Variants in BICDL1 observed in about 807,000 individuals in gnomAD.
BICDL1 encodes the protein BICD family-like cargo adapter 1.
BICDL1 carries 20 observed loss-of-function variants against 76.8 expected under a neutral mutation model. That is an observed-to-expected ratio of 0.26 (90% CI 0.18 to 0.38). The LOEUF (loss-of-function observed/expected upper bound fraction) is 0.38. BICDL1 is among the 10% of genes least tolerant of loss of function. The pLI, the probability that BICDL1 is intolerant of heterozygous loss-of-function variation, is 1.00. For synonymous variants in BICDL1, 383 were observed against 337.1 expected (o/e 1.14, Z -1.49); for missense variants, 700 against 798.6 (o/e 0.88, Z 1.49).
intron 9 of BICDL1, chr12:120,091,413 A>G: frequency 2.0e-6 from 2 of 1,014,494 alleles, no homozygotes; most frequent in Non-Finnish European, 2.4e-6. Flanking sequence ...TTGGTTTTTG[A>G]AAGACCCTTT....
At chr12:120,055,276 C>T (rs1280291472) in intron 2 of BICDL1, among the ~76,000 whole-genome samples, 1 of 152,164 alleles carries the variant, frequency 6.6e-6, no homozygotes, top group Non-Finnish European at 1.5e-5. Flanking sequence ...ACTGGATACT[C>T]GTATAAATAA....
intron 2 of BICDL1, among the ~76,000 whole-genome samples, chr12:120,013,439 AGTGTGTGTGTGTGTGTGTGT>A (rs35499277): frequency 7.4e-6 from 1 of 134,800 alleles, no homozygotes; most frequent in Non-Finnish European, 1.6e-5. Context: ...CTTTAACCAG[AGTGTGTGTGTGTGTGTGTGT>A]GTGTGTGTGT....
At position 120,079,733 on chromosome 12, in the gene BICDL1, A is replaced by G. The variant is rs1220650366; in HGVS notation, c.1453-1154A>G. ...ATGTATGAGACCTGAAAGCTTACAG[A>G]ATCAACAGGAAAGTGGGAGAACCCG... On this transcript the variant is annotated intron_variant, in intron 7 of 9. Coordinates refer to ENST00000548673, the MANE Select transcript of BICDL1 (RefSeq NM_001367886.1). This position sits in a 1 kb window ranked among gnomAD's most constrained non-coding sequence, Gnocchi z 4.3. Among the ~76,000 whole-genome samples, 1 of 152,246 alleles carries G rather than the reference A, an allele frequency of 6.6e-6. No homozygotes were observed. Among genetic ancestry groups the G allele is most frequent in the African/African-American group, 2.4e-5 (1 of 41,464 alleles).
rs1237684533 is a variant in BICDL1 at position 119,989,999 on chromosome 12, T to C, written c.131T>C (p.Ile44Thr). 6.8e-7 allele frequency: 1 copy of C among 1,481,128 alleles called. No homozygotes were observed. The highest frequency in any genetic ancestry group is 8.9e-7 in the Non-Finnish European group (1 of 1,128,654). 91.7% of individuals were successfully genotyped at this position (1,481,128 alleles called of 1,614,324 possible). The change falls in exon 1 of 10, where the codon ATC (isoleucine) becomes ACC (threonine). Residue 44 changes from isoleucine to threonine, a missense_variant. By Grantham distance (89) the Ile-to-Thr change is moderately conservative. Coordinates refer to ENST00000548673, the MANE Select transcript of BICDL1 (RefSeq NM_001367886.1). ...VRSPAAAAALIFPGGSGELEL... is the reference protein window; with the variant it reads ...VRSPAAAAALTFPGGSGELEL... ...AGTCCCGCCGCCGCCGCCGCCCTCA[T>C]CTTCCCCGGGGGCTCCGGGGAGCTA...
At chr12:120,057,997 AT>A (rs904984038) in intron 2 of BICDL1, among the ~76,000 whole-genome samples, 2 of 150,310 alleles carry the variant, frequency 1.3e-5, no homozygotes, top group African/African-American at 2.4e-5. Flanking sequence ...CGCCTGGAGA[AT>A]TTTTTTTTGT....
intron 2 of BICDL1, among the ~76,000 whole-genome samples, chr12:120,035,476 G>A (rs1161526047): frequency 6.6e-6 from 1 of 152,142 alleles, no homozygotes; most frequent in Non-Finnish European, 1.5e-5. Context: ...ATGAAAAAAT[G>A]AAGCTCAGAG....
chr12:120,076,864 G>A (rs1345888445), intron 7 of BICDL1, among the ~76,000 whole-genome samples: 2 of 152,244 alleles, frequency 1.3e-5, no homozygotes, highest in African/African-American at 2.4e-5. Flanking sequence ...ATGGCGTTCT[G>A]CATGCAAGGT....
intron 2 of BICDL1, among the ~76,000 whole-genome samples, chr12:120,004,184 A>G (rs1333043652): frequency 6.6e-6 from 1 of 152,188 alleles, no homozygotes; most frequent in Non-Finnish European, 1.5e-5. Context: ...TGATTTATTT[A>G]GGTATTGTGC....
intron 2 of BICDL1, among the ~76,000 whole-genome samples, chr12:120,059,163 T>C (rs1164032408): frequency 6.6e-6 from 1 of 152,092 alleles, no homozygotes; most frequent in Non-Finnish European, 1.5e-5. Context: ...TGGCATGATC[T>C]TGGCTCACTG....
At chr12:120,090,865 C>A in intron 9 of BICDL1, 1 of 1,286,762 alleles carries the variant, frequency 7.8e-7, no homozygotes, top group Non-Finnish European at 1.0e-6. Flanking sequence ...GCCAGCTGGC[C>A]GCGCCCTGGC....
At chr12:120,056,014 A>G (rs1385652092) in intron 2 of BICDL1, among the ~76,000 whole-genome samples, 1 of 152,198 alleles carries the variant, frequency 6.6e-6, no homozygotes, top group Non-Finnish European at 1.5e-5. Context: ...AACACTCGAA[A>G]TGCTCATCAG....
chr12:120,089,663 T>G (rs1874794501), intron 8 of BICDL1, among the ~76,000 whole-genome samples: 1 of 152,330 alleles, frequency 6.6e-6, no homozygotes, highest in African/African-American at 2.4e-5. Flanking sequence ...ATTACAGGCA[T>G]GAGCCACCAC....
Position 120,088,238 on chromosome 12 carries a change from A to T in BICDL1, c.1584-1713A>T, listed in dbSNP as rs529172050. ...GTGAGCCACAGCACCCTGCGGACAC[A>T]GGCAGTTTTTGTTTTACAAAACTAG... is the stretch of plus-strand genomic sequence containing the variant. On this transcript the variant is annotated intron_variant, in intron 8 of 9. Transcript: ENST00000548673. Among the ~76,000 whole-genome samples, 3 of 152,138 alleles carry T rather than the reference A, an allele frequency of 2.0e-5. No individual in the cohort carries two copies. The South Asian group carries it at 6.2e-4, about 32-fold the overall frequency.
chr12:120,087,602 T>C (rs1874536075), intron 8 of BICDL1, among the ~76,000 whole-genome samples: 1 of 152,190 alleles, frequency 6.6e-6, no homozygotes, highest in Non-Finnish European at 1.5e-5. Flanking sequence ...ATGCTTTTGT[T>C]AGCTTTGCTG....
rs1290072029 is a variant in BICDL1 at position 120,093,104 on chromosome 12, G to T, written c.1809G>T (p.Gly603=). 2 of 1,613,550 alleles carry T rather than the reference G, an allele frequency of 1.2e-6. No individual in the cohort carries two copies. Among genetic ancestry groups the T allele is most frequent in the Non-Finnish European group, 1.7e-6 (2 of 1,179,668 alleles). ...GCAGGGGCCACAGCGCTGGGCGGGG[G>T]GATGAGCCCAGCATCGCTGAAGGCA... ...ALCRGHSAGR[G]DEPSIAEGKR... The change falls in exon 10 of 10, where the codon GGG becomes GGT. Residue 603 remains glycine (G), a synonymous_variant. Coordinates refer to ENST00000548673, the MANE Select transcript of BICDL1 (RefSeq NM_001367886.1).
At chr12:120,078,413 G>A (rs1053635984) in intron 7 of BICDL1, among the ~76,000 whole-genome samples, 4 of 152,108 alleles carry the variant, frequency 2.6e-5, no homozygotes, top group Non-Finnish European at 4.4e-5. Context: ...ATTTAATTGC[G>A]GGGACACCCA....
In BICDL1 at chr12:120,072,606, C is replaced by T; in HGVS notation, c.1185C>T (p.Asp395=). 5 of 1,614,218 alleles carry T rather than the reference C, an allele frequency of 3.1e-6. No individual in the cohort carries two copies. Among genetic ancestry groups the T allele is most frequent in the Non-Finnish European group, 4.2e-6 (5 of 1,180,026 alleles). ...GTGCTGACTCAGCCGTCTCCACGGACTCCTCCATGGACGAGTCTTCAGAAA... is the reference window on the plus strand; with the variant it reads ...GTGCTGACTCAGCCGTCTCCACGGATTCCTCCATGGACGAGTCTTCAGAAA... ...NDSADSAVST[D]SSMDESSETS... Residue 395 remains aspartate, a synonymous_variant, in exon 6 of 10, where the codon GAC becomes GAT. Coordinates refer to ENST00000548673, the MANE Select transcript of BICDL1 (RefSeq NM_001367886.1).
chr12:120,066,275 T>C (rs769250564), intron 4 of BICDL1, among the ~76,000 whole-genome samples: 6 of 152,168 alleles, frequency 3.9e-5, no homozygotes, highest in Non-Finnish European at 2.9e-5. Flanking sequence ...AAAAATCAGT[T>C]CCTGACCAGC....
chr12:120,010,608 G>A (rs375664673), intron 2 of BICDL1, among the ~76,000 whole-genome samples: 6 of 152,330 alleles, frequency 3.9e-5, no homozygotes, highest in African/African-American at 1.4e-4. Context: ...GGGAATAGCT[G>A]CAAGGAAGAG....
Sources: allele counts gnomAD v4.1 joint callset (sites outside exome capture counted in the v4.1 genomes callset), GRCh38; gene constraint gnomAD v4.1.1; non-coding constraint Gnocchi (gnomAD v3.1); transcripts MANE v1.5; gene names NCBI Gene and HGNC (gene_info 2026-07-23, HGNC 2026-07-21).